Variants in TBC1D8 observed in about 807,000 individuals in gnomAD.
The protein encoded by TBC1D8 is BUB2-like protein 1.
TBC1D8 carries 65 observed loss-of-function variants against 118.8 expected under a neutral mutation model. The ratio of observed to expected loss-of-function variants is 0.55; its 90% CI spans 0.45 to 0.67. The LOEUF (loss-of-function observed/expected upper bound fraction) is 0.67, where lower values mean the gene tolerates loss of function less well. Among genes scored for constraint, TBC1D8 ranks in the 30% least tolerant of loss-of-function variants. The pLI, the probability that TBC1D8 is intolerant of heterozygous loss-of-function variation, is 0.00. For synonymous variants in TBC1D8, 566 were observed against 595.8 expected (o/e 0.95, Z 0.73); for missense variants, 1,376 against 1,471.2 (o/e 0.94, Z 1.06).
At chr2:101,119,336 C>T (rs1677998295) in intron 1 of TBC1D8, among the ~76,000 whole-genome samples, 1 of 148,328 alleles carries the variant, frequency 6.7e-6, no homozygotes, top group Non-Finnish European at 1.5e-5. Flanking sequence ...AACCACCCTA[C>T]TTACGGATGG....
chr2:101,008,213 T>TTTC lies in TBC1D8; in HGVS notation c.3073_3075dup (p.Glu1025dup), dbSNP rs746340416. The TTTC allele has an allele frequency of 1.4e-5, 22 of 1,604,642 alleles. 1 individual carries two copies. The Admixed American group carries it at 3.8e-4, about 27-fold the overall frequency. Reference sequence around the variant, plus strand: ...GTGGCGATGGCTTGATACAAATCATTTTCTTCTGGATCTTCATGGAACATA... The same window carrying TTTC: ...GTGGCGATGGCTTGATACAAATCATTTTCTTCTTCTGGATCTTCATGGAACATA... On this transcript the variant is annotated inframe_insertion, in exon 20 of 20. Transcript: ENST00000409318.
intron 9 of TBC1D8, among the ~76,000 whole-genome samples, chr2:101,035,118 G>A (rs957515762): frequency 6.6e-6 from 1 of 152,164 alleles, no homozygotes; most frequent in African/African-American, 2.4e-5. Flanking sequence ...GATGCTTCCA[G>A]TCCCAGGAAG....
chr2:101,094,585 G>A (rs984783204), intron 1 of TBC1D8, among the ~76,000 whole-genome samples: 5 of 152,174 alleles, frequency 3.3e-5, no homozygotes, highest in African/African-American at 9.7e-5. Context: ...CAGGGAGGGT[G>A]TGCAGCCACA....
chr2:101,017,777 A>G, intron 17 of TBC1D8: 1 of 1,491,020 alleles, frequency 6.7e-7, no homozygotes, highest in Non-Finnish European at 9.1e-7. Flanking sequence ...TGTTACCAAA[A>G]TCTTGACAAG....
intron 1 of TBC1D8, among the ~76,000 whole-genome samples, chr2:101,124,951 TA>T (rs1678288670): frequency 6.6e-6 from 1 of 152,114 alleles, no homozygotes; most frequent in East Asian, 1.9e-4. Context: ...GCCTTAGAAA[TA>T]AGCTCTTCAA....
intron 1 of TBC1D8, among the ~76,000 whole-genome samples, chr2:101,108,015 C>A (rs948302876): frequency 6.1e-5 from 9 of 147,898 alleles, no homozygotes; most frequent in Non-Finnish European, 1.2e-4. Flanking sequence ...CTATGATCAC[C>A]ACTGCATTCG....
At chr2:101,118,101 G>A (rs1278669479) in intron 1 of TBC1D8, among the ~76,000 whole-genome samples, 5 of 151,994 alleles carry the variant, frequency 3.3e-5, no homozygotes. Context: ...AATGAGTGAG[G>A]ACTGAGCTCC....
At chr2:101,064,581 T>C (rs1195249987) in intron 2 of TBC1D8, among the ~76,000 whole-genome samples, 1 of 152,232 alleles carries the variant, frequency 6.6e-6, no homozygotes, top group African/African-American at 2.4e-5. Context: ...AAAAAGACTT[T>C]TTCGTTTTCT....
At chr2:101,136,769 C>G (rs192444183) in intron 1 of TBC1D8, among the ~76,000 whole-genome samples, 3 of 152,180 alleles carry the variant, frequency 2.0e-5, no homozygotes, top group African/African-American at 4.8e-5. Flanking sequence ...TGAATGATCA[C>G]GAGCTATACA....
intron 9 of TBC1D8, 21 bp from the exon 10 acceptor site, chr2:101,033,779 T>G: frequency 6.2e-7 from 1 of 1,605,324 alleles, no homozygotes; most frequent in Non-Finnish European, 8.5e-7. Context: ...AAAGCAATGT[T>G]TCAAGGGGGA....
At position 101,007,945 on chromosome 2, in the gene TBC1D8, T is replaced by C. The variant is rs752690412; in HGVS notation, c.3344A>G (p.Asn1115Ser). Residue 1115 changes from asparagine to serine, a missense_variant, in exon 20 of 20, where the codon AAC (asparagine) becomes AGC (serine). By Grantham distance (46) the Asn-to-Ser change is conservative. Transcript: ENST00000409318. ...ASLLTEQSLVNFFEKPLDMKS... is the reference protein window; with the variant it reads ...ASLLTEQSLVSFFEKPLDMKS... ...CATGTCCAGTGGCTTTTCAAAAAAG[T>C]TGACTAATGACTGTTCAGTCAGAAG... is the stretch of plus-strand genomic sequence containing the variant. 6.2e-7 allele frequency: 1 copy of C among 1,614,024 alleles called. No individual in the cohort carries two copies. Among genetic ancestry groups the C allele is most frequent in the South Asian group, 1.1e-5 (1 of 91,084 alleles).
At chr2:101,067,298 G>A (rs1261546904) in intron 2 of TBC1D8, among the ~76,000 whole-genome samples, 1 of 152,182 alleles carries the variant, frequency 6.6e-6, no homozygotes, top group Non-Finnish European at 1.5e-5. Flanking sequence ...AATACTGCAT[G>A]GGAAGAGTAA....
chr2:101,092,033 C>T (rs1676073327), intron 1 of TBC1D8, among the ~76,000 whole-genome samples: 1 of 152,184 alleles, frequency 6.6e-6, no homozygotes, highest in East Asian at 1.9e-4. Context: ...ATTGATATGG[C>T]CCTGCCATCT....
rs952254012 is a variant in TBC1D8 at position 101,035,941 on chromosome 2, C to T, written c.1603+77G>A. 48 of 1,525,758 alleles carry T rather than the reference C, an allele frequency of 3.1e-5. No homozygotes were observed. The African/African-American group carries it at 4.3e-4, about 14-fold the overall frequency. The allele number at this position is 1,525,758 out of a possible 1,614,324, so 94.5% of individuals were successfully genotyped here. A position where few individuals can be genotyped will look rare whatever the true frequency, so the allele number is the denominator to read the frequency against. On this transcript the variant is annotated intron_variant, in intron 9 of 19. Coordinates refer to ENST00000409318, the MANE Select transcript of TBC1D8 (RefSeq NM_001330348.2). ...ACCATTTCATCTGCACATAAACACA[C>T]GCGCTGCTCGGGTCCGGGCTGTTCC... is the stretch of plus-strand genomic sequence containing the variant.
intron 1 of TBC1D8, among the ~76,000 whole-genome samples, chr2:101,121,375 C>T (rs1186205058): frequency 6.6e-6 from 1 of 152,182 alleles, no homozygotes; most frequent in Non-Finnish European, 1.5e-5. Flanking sequence ...AGCCTTGCCA[C>T]ACTAGAGGCG....
rs867577421 is a variant in TBC1D8, at chr2:101,063,168, G to A, written c.284-3629C>T. On this transcript the variant is annotated intron_variant, in intron 2 of 19. Coordinates refer to ENST00000409318, the MANE Select transcript of TBC1D8 (RefSeq NM_001330348.2). ...TAACTGATACCAGCTAACCGCATGC[G>A]TCTTCCTCAATGATAACTTTAGATA... 6.6e-5 allele frequency among the ~76,000 whole-genome samples: 10 copies of A among 152,250 alleles called. No individual in the cohort carries two copies. In the South Asian group the frequency reaches 8.3e-4, roughly 13 times the overall value.
chr2:101,046,831 G>A (rs909954229), intron 5 of TBC1D8, among the ~76,000 whole-genome samples: 3 of 152,080 alleles, frequency 2.0e-5, no homozygotes, highest in Non-Finnish European at 4.4e-5. Flanking sequence ...ATAAACCGGC[G>A]AAAGAGCCTG....
intron 1 of TBC1D8, among the ~76,000 whole-genome samples, chr2:101,125,042 C>T (rs777399026): frequency 2.6e-5 from 4 of 152,218 alleles, no homozygotes; most frequent in African/African-American, 7.2e-5. Flanking sequence ...TTCCTCTGAG[C>T]AAATGATATT....
At chr2:101,101,286 G>C (rs528203818) in intron 1 of TBC1D8, among the ~76,000 whole-genome samples, 1 of 151,880 alleles carries the variant, frequency 6.6e-6, no homozygotes, top group East Asian at 1.9e-4. Flanking sequence ...GCCAACAAAC[G>C]TATGAAAAAA....
Sources: gnomAD v4.1 joint callset for allele counts (sites outside exome capture counted in the v4.1 genomes callset) on GRCh38, gnomAD v4.1.1 for gene constraint, MANE v1.5 for transcripts, NCBI Gene and HGNC (gene_info 2026-07-23, HGNC 2026-07-21) for gene names.